Variants in USH2A observed in about 807,000 individuals in gnomAD.
USH2A encodes the protein Usher syndrome 2A (autosomal recessive, mild).
In USH2A, 443 loss-of-function variants were observed where a neutral mutation model predicts 538.9. The observed-to-expected ratio is 0.82, with a 90% CI of 0.76 to 0.89. The LOEUF is 0.89. Ranked by LOEUF, USH2A falls within the 40% of genes least tolerant of loss-of-function variation. USH2A has a pLI of 0.00. For missense variants in USH2A, 6,633 were observed against 6,324.8 expected, an observed-to-expected ratio of 1.05 and a Z score of -1.65; for synonymous variants, 2,413 against 2,273.5, an observed-to-expected ratio of 1.06 and a Z score of -1.75.
In USH2A at chr1:215,965,376, C is replaced by G. The variant is rs201386640; in HGVS notation, c.7061G>C (p.Arg2354Pro). The G allele has an allele frequency of 3.1e-6, 5 of 1,613,806 alleles. No homozygotes were observed. The highest frequency in any genetic ancestry group is 3.3e-4 in the Middle Eastern group (2 of 6,060). Reference protein sequence around the residue: ...KAHVRWEAPFRPNGLLTHSVL... With the variant: ...KAHVRWEAPFPPNGLLTHSVL... Reference sequence around the variant, plus strand: ...TGAGTGTGTTAAGAGTCCATTAGGGCGAAAAGGTGCTTCCCACCTCACGTG... The same window carrying G: ...TGAGTGTGTTAAGAGTCCATTAGGGGGAAAAGGTGCTTCCCACCTCACGTG... The change falls in exon 37 of 72, where the codon CGC (arginine) becomes CCC (proline). Residue 2354 changes from arginine (R) to proline (P), a missense_variant. Coordinates refer to ENST00000307340, the MANE Select transcript of USH2A (RefSeq NM_206933.4).
chr1:216,122,589 C>T, intron 21 of USH2A, among the ~76,000 whole-genome samples: 1 of 152,196 alleles, frequency 6.6e-6, no homozygotes, highest in East Asian at 1.9e-4. Context: ...ATCACCAGAA[C>T]CAAGAGAGAA....
rs183752720 is a variant in USH2A, at chr1:216,104,565, T to C, written c.4628-7352A>G. ...TGACAAACCTGACGAAAATAAGAAA[T>C]GGGGAAAGGATTCACTATTAAATAA... On this transcript the variant is annotated intron_variant, in intron 21 of 71. Transcript: ENST00000307340. Among the ~76,000 whole-genome samples the C allele has an allele frequency of 2.4e-4, 36 of 152,168 alleles. 1 individual carries two copies. Among genetic ancestry groups the C allele is most frequent in the Admixed American group, 2.2e-3 (33 of 15,274 alleles).
chr1:216,162,896 C>G (rs961452186), intron 21 of USH2A, among the ~76,000 whole-genome samples: 1 of 151,786 alleles, frequency 6.6e-6, no homozygotes, highest in Non-Finnish European at 1.5e-5. Context: ...GCCAAGCACC[C>G]AAAAAAGAAT....
rs114156260 is a variant in USH2A, at chr1:215,769,397, C to T, written c.10940-2609G>A. On this transcript the variant is annotated intron_variant, in intron 55 of 71. Transcript: ENST00000307340. ...TGCTAAGGTTGATTAGAGGATTAAGCGTATTTGTAATGAGAATCGTAGCTG... is the reference window on the plus strand; with the variant it reads ...TGCTAAGGTTGATTAGAGGATTAAGTGTATTTGTAATGAGAATCGTAGCTG... Among the ~76,000 whole-genome samples the T allele has an allele frequency of 8.3e-4, 126 of 152,054 alleles. 1 individual carries two copies. Among genetic ancestry groups the T allele is most frequent in the African/African-American group, 2.3e-3 (96 of 41,470 alleles).
rs531289860 is a variant in USH2A at position 216,200,009 on chromosome 1, T to C, written c.3429A>G (p.Thr1143=). ...AGTTTCCCTCTGGGACCCCTGGTTT[T>C]GTCTTGTAAGTGACAGCTACACTCC... ...STRSVAVTYK[T]KPGVPEGNLT... is the part of the protein sequence containing the mutation. Residue 1143 remains threonine, a synonymous_variant, in exon 17 of 72, where the codon ACA becomes ACG. Coordinates refer to ENST00000307340, the MANE Select transcript of USH2A (RefSeq NM_206933.4). 71 of 1,614,152 alleles carry C rather than the reference T, an allele frequency of 4.4e-5. No individual in the cohort carries two copies. In the South Asian group the frequency reaches 7.7e-4, roughly 17 times the overall value.
In USH2A at chr1:215,741,424, T is replaced by A; in HGVS notation, c.11662A>T (p.Met3888Leu). Reference protein sequence around the residue: ...LGSACIEIKWMPPEKPNGIII... With the variant: ...LGSACIEIKWLPPEKPNGIII... ...ATTCCATTTGGTTTTTCAGGTGGCA[T>A]CCACTTAATCTCTATGCAAGCTGAC... The change falls in exon 60 of 72, where the codon ATG becomes TTG. Residue 3888 changes from methionine to leucine, a missense_variant. Met to Leu is a conservative substitution (Grantham distance 15). Transcript: ENST00000307340. 6.2e-7 allele frequency: 1 copy of A among 1,614,072 alleles called. No homozygotes were observed. The highest frequency in any genetic ancestry group is 8.5e-7 in the Non-Finnish European group (1 of 1,180,008).
chr1:215,886,956 C>T (rs564687431), intron 41 of USH2A, among the ~76,000 whole-genome samples: 13 of 152,168 alleles, frequency 8.5e-5, no homozygotes, highest in Admixed American at 7.2e-4. Context: ...CTCCCAGGTT[C>T]ACGCCATTCT....
Position 215,743,336 on chromosome 1 carries a change from CT to C in USH2A, c.11390-2del, listed in dbSNP as rs760100733. The C allele has an allele frequency of 1.0e-5, 16 of 1,587,538 alleles. No individual in the cohort carries two copies. Among genetic ancestry groups the C allele is most frequent in the Non-Finnish European group, 1.4e-5 (16 of 1,166,938 alleles). On this transcript the variant is annotated splice_acceptor_variant, in intron 58 of 71. Transcript: ENST00000307340. LOFTEE classifies it high-confidence loss of function. ...ACAGGAATTTCGGGGATGAGGATCC[CT>C]TTAAAGAGAGAGAGAGAGAGAGAAC...
intron 44 of USH2A, among the ~76,000 whole-genome samples, chr1:215,852,965 T>C (rs1664058526): frequency 6.6e-6 from 1 of 152,160 alleles, no homozygotes; most frequent in African/African-American, 2.4e-5. Context: ...TGTTGGTGGA[T>C]CTACTATTCT....
chr1:216,354,631 CA>C (rs1475987527), intron 4 of USH2A, among the ~76,000 whole-genome samples: 3 of 151,694 alleles, frequency 2.0e-5, no homozygotes, highest in African/African-American at 7.3e-5. Flanking sequence ...AGCCTAGACA[CA>C]AAAGAGAAAT....
chr1:215,917,174 T>C (rs577190303), intron 38 of USH2A, among the ~76,000 whole-genome samples: 77 of 152,180 alleles, frequency 5.1e-4, no homozygotes, highest in Non-Finnish European at 9.4e-4. Flanking sequence ...ACCAACCAAA[T>C]TTTTTTCCTT....
intron 8 of USH2A, 148 bp downstream of exon 8, chr1:216,323,326 T>A (rs537754361): frequency 1.8e-6 from 1 of 552,600 alleles, no homozygotes; most frequent in Non-Finnish European, 3.2e-6. Context: ...GAGAAAAGAC[T>A]CACATACAGA....
chr1:215,891,692 CCT>C (rs1372212117), intron 40 of USH2A, among the ~76,000 whole-genome samples: 1 of 152,124 alleles, frequency 6.6e-6, no homozygotes, highest in African/African-American at 2.4e-5. Context: ...CAAAAGTCAG[CCT>C]CTCAGCTGAA....
intron 21 of USH2A, chr1:216,174,230 ACTAG>A: frequency 1.0e-6 from 1 of 985,216 alleles, no homozygotes; most frequent in African/African-American, 1.7e-5. Flanking sequence ...TATTTTAAAG[ACTAG>A]CTATTTGCTC....
At chr1:216,406,799 T>A (rs1237477987) in intron 3 of USH2A, among the ~76,000 whole-genome samples, 3 of 152,134 alleles carry the variant, frequency 2.0e-5, no homozygotes, top group Non-Finnish European at 2.9e-5. Flanking sequence ...CCACCCCTTT[T>A]TATAAATTCC....
At chr1:216,079,083 A>G (rs2031848429) in intron 26 of USH2A, 1 of 152,174 alleles carries the variant, frequency 6.6e-6, no homozygotes, top group Non-Finnish European at 1.5e-5. Flanking sequence ...AAACCATATC[A>G]GTAACCATAT....
At chr1:215,912,490 T>TATAC (rs1558157963) in intron 38 of USH2A, among the ~76,000 whole-genome samples, 262 of 32,572 alleles carry the variant, frequency 8.0e-3, no homozygotes, top group South Asian at 0.016. Flanking sequence ...TATATATATA[T>TATAC]GTGTATATAT....
Position 215,634,542 on chromosome 1 carries a change from A to C in USH2A, c.15214T>G (p.Tyr5072Asp). Reference sequence around the variant, plus strand: ...ACCAAGGGAGGTCTTTCTCTGATATATGGCTCTTTGTGGATTTTTCTTTGT... The same window carrying C: ...ACCAAGGGAGGTCTTTCTCTGATATCTGGCTCTTTGTGGATTTTTCTTTGT... The part of the protein sequence containing the change: ...ILQRKIHKEP[Y>D]IRERPPLVPL... The change falls in exon 70 of 72, where the codon TAT becomes GAT. Residue 5072 changes from tyrosine (Y) to aspartate (D), a missense_variant. Physicochemically the swap from Tyr to Asp is radical, Grantham distance 160. Transcript: ENST00000307340. The C allele has an allele frequency of 1.2e-6, 2 of 1,614,212 alleles. No individual in the cohort carries two copies. The highest frequency in any genetic ancestry group is 1.7e-6 in the Non-Finnish European group (2 of 1,180,028).
At chr1:215,929,500 T>C (rs1485787115) in intron 38 of USH2A, among the ~76,000 whole-genome samples, 3 of 152,068 alleles carry the variant, frequency 2.0e-5, no homozygotes, top group Non-Finnish European at 2.9e-5. Flanking sequence ...GATAGGGATG[T>C]AGCAAGATGA....
Sources: gnomAD v4.1 joint callset for allele counts (sites outside exome capture counted in the v4.1 genomes callset) on GRCh38, gnomAD v4.1.1 for gene constraint, MANE v1.5 for transcripts, NCBI Gene and HGNC (gene_info 2026-07-23, HGNC 2026-07-21) for gene names.